The following DCDC1 variants were observed in gnomAD, a reference collection of about 807,000 sequenced individuals.
The protein encoded by DCDC1 is doublecortin domain-containing protein 1.
A neutral mutation model predicts 178.3 loss-of-function variants in DCDC1; 200 were observed. The ratio of observed to expected loss-of-function variants is 1.12; its 90% confidence interval spans 1.00 to 1.26. The LOEUF (loss-of-function observed/expected upper bound fraction) is 1.26, where lower values mean the gene tolerates loss of function less well. DCDC1 is among the 50% of genes most tolerant of loss of function. DCDC1 has a pLI of 0.00. For synonymous variants in DCDC1, 690 were observed against 604.8 expected (o/e 1.14, Z -2.07); for missense variants, 1,983 against 1,749.2 (o/e 1.13, Z -2.38).
intron 8 of DCDC1, among the ~76,000 whole-genome samples, chr11:31,244,271 C>T (rs1394625728): frequency 1.3e-5 from 2 of 151,568 alleles, no homozygotes; most frequent in Non-Finnish European, 3.0e-5. Context: ...TAACCTCAAC[C>T]CATAGATTTT....
At chr11:31,351,985 A>G (rs1204649562) in intron 1 of DCDC1, among the ~76,000 whole-genome samples, 1 of 152,174 alleles carries the variant, frequency 6.6e-6, no homozygotes, top group East Asian at 1.9e-4. Context: ...CTTGAAATCT[A>G]CTGAAAGGTA....
chr11:30,879,930 G>A (rs1464506771), intron 37 of DCDC1, among the ~76,000 whole-genome samples: 1 of 152,088 alleles, frequency 6.6e-6, no homozygotes, highest in East Asian at 1.9e-4. Flanking sequence ...GAATATCGAA[G>A]ACTAAGCCTA....
At chr11:31,309,641 A>T (rs77395608) in intron 3 of DCDC1, among the ~76,000 whole-genome samples, 2,852 of 152,144 alleles carry the variant, frequency 0.019, 84 homozygotes, top group African/African-American at 0.064. Context: ...ATATTTTTTT[A>T]AAAAAATGGA....
intron 8 of DCDC1, among the ~76,000 whole-genome samples, chr11:31,242,936 T>C (rs1470219042): frequency 6.6e-6 from 1 of 151,884 alleles, no homozygotes; most frequent in Non-Finnish European, 1.5e-5. Context: ...ATTTTGTTAC[T>C]AATATAGTAT....
At chr11:31,135,499 A>G (rs1418993730) in intron 10 of DCDC1, among the ~76,000 whole-genome samples, 1 of 151,954 alleles carries the variant, frequency 6.6e-6, no homozygotes, top group Non-Finnish European at 1.5e-5. Flanking sequence ...TTTTCTAAAA[A>G]GAGTCTTTTA....
chr11:31,148,435 T>C (rs1302820364), intron 9 of DCDC1, among the ~76,000 whole-genome samples: 2 of 151,484 alleles, frequency 1.3e-5, no homozygotes, highest in Non-Finnish European at 2.9e-5. Context: ...AGCCTGGAGG[T>C]GGAGGTTGCA....
intron 17 of DCDC1, among the ~76,000 whole-genome samples, chr11:31,088,661 C>T (rs1957618559): frequency 6.6e-6 from 1 of 151,874 alleles, no homozygotes; most frequent in Admixed American, 6.6e-5. Context: ...ATCACTATTG[C>T]TTTAAACAAT....
Position 30,914,349 on chromosome 11 carries a change from G to A in DCDC1, c.3653+1162C>T, listed in dbSNP as rs137943526. On this transcript the variant is annotated intron_variant, in intron 27 of 38. Coordinates refer to ENST00000684477, the MANE Select transcript of DCDC1 (RefSeq NM_001387274.1). Reference sequence around the variant, plus strand: ...CTCCTCTCCTGCCCAGGCAGGGCTCGCTGCTGCCGCCTGCTGAAGCTTGTG... The same window carrying A: ...CTCCTCTCCTGCCCAGGCAGGGCTCACTGCTGCCGCCTGCTGAAGCTTGTG... Among the ~76,000 whole-genome samples, 1,336 of 152,342 alleles carry A rather than the reference G, an allele frequency of 8.8e-3. 31 individuals are homozygous for A. The highest frequency in any genetic ancestry group is 0.042 in the Admixed American group (636 of 15,310).
chr11:30,951,934 C>T (rs1461970840), intron 21 of DCDC1, among the ~76,000 whole-genome samples: 2 of 152,078 alleles, frequency 1.3e-5, no homozygotes, highest in Non-Finnish European at 2.9e-5. Flanking sequence ...AGACTACAGA[C>T]AAAAATTGCC....
Position 30,865,053 on chromosome 11 carries a change from A to G in DCDC1, c.*320T>C, listed in dbSNP as rs1373827945. ...GCAAATGGAGTCACACGCTCACTCA[A>G]TTCTGAGAGGCCTGGCCAAGGCAAA... On this transcript the variant is annotated 3_prime_UTR_variant, in exon 39 of 39. Coordinates refer to ENST00000684477, the MANE Select transcript of DCDC1 (RefSeq NM_001387274.1). 1 of 152,144 alleles carries G rather than the reference A, an allele frequency of 6.6e-6. No individual in the cohort carries two copies. The highest frequency in any genetic ancestry group is 1.5e-5 in the Non-Finnish European group (1 of 68,034). 9.4% of individuals were successfully genotyped at this position (152,144 alleles called of 1,614,324 possible).
intron 1 of DCDC1, among the ~76,000 whole-genome samples, chr11:31,337,243 T>C (rs917971659): frequency 6.6e-6 from 1 of 152,208 alleles, no homozygotes; most frequent in African/African-American, 2.4e-5. Context: ...TTTGGGACTT[T>C]GGGCCTTGCA....
At chr11:31,016,131 T>TTTC in intron 20 of DCDC1, among the ~76,000 whole-genome samples, 1 of 152,328 alleles carries the variant, frequency 6.6e-6, no homozygotes, top group South Asian at 2.1e-4. Flanking sequence ...TGAGCCTCTG[T>TTTC]TTCTTCAGTC....
intron 9 of DCDC1, among the ~76,000 whole-genome samples, chr11:31,143,887 G>A (rs1250979687): frequency 6.6e-6 from 1 of 152,088 alleles, no homozygotes; most frequent in East Asian, 1.9e-4. Context: ...CCAAAGCCAG[G>A]GATTCCTCTC....
chr11:30,987,665 CCAGAGGAA>C (rs1247972740), intron 20 of DCDC1, among the ~76,000 whole-genome samples: 2 of 152,188 alleles, frequency 1.3e-5, no homozygotes, highest in African/African-American at 4.8e-5. Flanking sequence ...GTATTTGGGG[CCAGAGGAA>C]CAGCTGGTGG....
At chr11:31,023,612 T>C (rs1386711667) in intron 20 of DCDC1, among the ~76,000 whole-genome samples, 1 of 152,064 alleles carries the variant, frequency 6.6e-6, no homozygotes, top group Non-Finnish European at 1.5e-5. Context: ...ATAAATAATA[T>C]ACAAATGACT....
chr11:31,356,150 T>TAAC (rs927291991), intron 1 of DCDC1, among the ~76,000 whole-genome samples: 1 of 152,074 alleles, frequency 6.6e-6, no homozygotes, highest in Non-Finnish European at 1.5e-5. Flanking sequence ...CTTTATTTTA[T>TAAC]AACAACAACA....
In DCDC1 at chr11:31,290,696, A is replaced by G. The variant is rs1947163633; in HGVS notation, c.911T>C (p.Met304Thr). The change falls in exon 7 of 39, where the codon ATG becomes ACG. Residue 304 changes from methionine to threonine, a missense_variant. Transcript: ENST00000684477. Reference sequence around the variant, plus strand: ...TGTAATCTCATGCCCATCCTGCCCCATGCCATTCTTAAAGAACAGAATTCG... The same window carrying G: ...TGTAATCTCATGCCCATCCTGCCCCGTGCCATTCTTAAAGAACAGAATTCG... Reference protein sequence around the residue: ...SVRILFFKNGMGQDGHEITVG... With the variant: ...SVRILFFKNGTGQDGHEITVG... 1 of 1,613,400 alleles carries G rather than the reference A, an allele frequency of 6.2e-7. No individual in the cohort carries two copies. The highest frequency in any genetic ancestry group is 1.1e-5 in the South Asian group (1 of 91,036).
intron 8 of DCDC1, among the ~76,000 whole-genome samples, chr11:31,248,247 A>G (rs1211859903): frequency 6.6e-6 from 1 of 152,076 alleles, no homozygotes; most frequent in Admixed American, 6.6e-5. Flanking sequence ...TACTATCCCA[A>G]AAAGTTTAAC....
rs552715494 is a variant in DCDC1, at chr11:31,213,277, G to A, written c.1221+28173C>T. On this transcript the variant is annotated intron_variant, in intron 9 of 38. Coordinates refer to ENST00000684477, the MANE Select transcript of DCDC1 (RefSeq NM_001387274.1). Reference sequence around the variant, plus strand: ...TATTCAGGGTCTATTTTCGCCTCATGTCAAAATGATCTTTTCAAATTTAGC... The same window carrying A: ...TATTCAGGGTCTATTTTCGCCTCATATCAAAATGATCTTTTCAAATTTAGC... Among the ~76,000 whole-genome samples, 29 of 151,658 alleles carry A rather than the reference G, an allele frequency of 1.9e-4. No individual in the cohort carries two copies. The South Asian group carries it at 5.4e-3, about 28-fold the overall frequency.
Sources: allele counts gnomAD v4.1 joint callset (sites outside exome capture counted in the v4.1 genomes callset), GRCh38; gene constraint gnomAD v4.1.1; transcripts MANE v1.5; gene names NCBI Gene and HGNC (gene_info 2026-07-23, HGNC 2026-07-21).